The following WIPF2 variants were observed in gnomAD, a reference collection of about 807,000 sequenced individuals.
The protein encoded by WIPF2 is WAS/WASL interacting protein family member 2.
Under a neutral mutation model 38.8 loss-of-function variants are expected in WIPF2, and 23 were observed. The ratio of observed to expected loss-of-function variants is 0.59; its 90% confidence interval spans 0.43 to 0.84. WIPF2 has a LOEUF of 0.84. Among genes scored for constraint, WIPF2 ranks in the 40% least tolerant of loss-of-function variants. The pLI is 0.00. For missense variants in WIPF2, 574 were observed against 580.5 expected (o/e 0.99, Z 0.11); for synonymous variants, 210 against 223.2 (o/e 0.94, Z 0.53).
chr17:40,222,654 GTTTTTTTTTTTTTTTTTTT>G (rs58758484), intron 1 of WIPF2, among the ~76,000 whole-genome samples: 5 of 52,820 alleles, frequency 9.5e-5, no homozygotes, highest in Admixed American at 2.7e-4. Flanking sequence ...TGCATATTCA[GTTTTTTTTTTTTTTTTTTT>G]TTTTTTTTTT....
At position 40,260,623 on chromosome 17, in the gene WIPF2, A is replaced by G. The variant is rs751439083; in HGVS notation, c.152A>G (p.Lys51Arg). The change falls in exon 3 of 8, where the codon AAG becomes AGG. Residue 51 changes from lysine to arginine, a missense_variant. By Grantham distance (26) the Lys-to-Arg change is conservative. Transcript: ENST00000323571. ...LQDICKGTKL[K>R]KVTNINDRSA... ...GACATTTGCAAAGGGACCAAGCTGA[A>G]GAAGGTGACCAACATTAATGATCGG... 88 of 1,613,806 alleles carry G rather than the reference A, an allele frequency of 5.5e-5. No homozygotes were observed. In the South Asian group the frequency reaches 8.9e-4, roughly 16 times the overall value.
At chr17:40,271,433 G>A (rs2032245865) in intron 5 of WIPF2, among the ~76,000 whole-genome samples, 1 of 152,088 alleles carries the variant, frequency 6.6e-6, no homozygotes, top group Admixed American at 6.6e-5. Flanking sequence ...GAGCCCAGGA[G>A]TTTGAAGCTG....
At chr17:40,231,080 A>G (rs2030720738) in intron 1 of WIPF2, among the ~76,000 whole-genome samples, 1 of 152,206 alleles carries the variant, frequency 6.6e-6, no homozygotes, top group Non-Finnish European at 1.5e-5. Flanking sequence ...AACTTAAAGT[A>G]GACTCTTGAC....
chr17:40,264,863 A>T lies in WIPF2; in HGVS notation c.687A>T (p.Pro229=). The change falls in exon 5 of 8, where the codon CCA becomes CCT. Residue 229 remains proline (P), a synonymous_variant. Coordinates refer to ENST00000323571, the MANE Select transcript of WIPF2 (RefSeq NM_133264.5). ...PGREGPPAPP[P]VKPPPSPVNI... ...GAGAGGGACCTCCTGCTCCACCCCCAGTCAAACCACCTCCTTCCCCTGTGA... is the reference window on the plus strand; with the variant it reads ...GAGAGGGACCTCCTGCTCCACCCCCTGTCAAACCACCTCCTTCCCCTGTGA... The T allele has an allele frequency of 6.2e-7, 1 of 1,613,996 alleles. No homozygotes were observed. Among genetic ancestry groups the T allele is most frequent in the East Asian group, 2.2e-5 (1 of 44,858 alleles).
chr17:40,232,179 ATTTTTTTT>A (rs752876006), intron 1 of WIPF2, among the ~76,000 whole-genome samples: 51 of 76,054 alleles, frequency 6.7e-4, no homozygotes, highest in African/African-American at 3.2e-3. Context: ...TGCCTGGCTA[ATTTTTTTT>A]TTTTTTTTTT....
chr17:40,273,828 A>T lies in WIPF2; in HGVS notation c.1009A>T (p.Arg337Trp), dbSNP rs2032310794. The stretch of plus-strand genomic sequence containing the variant: ...ACCACCTGTGATCCGAAATGGTGCC[A>T]GGGATGCTCCCCCTCCCCCACCACC... ...PPPPVIRNGA[R>W]DAPPPPPPYR... The change falls in exon 6 of 8, where the codon AGG (arginine) becomes TGG (tryptophan). Residue 337 changes from arginine (R) to tryptophan (W), a missense_variant. Coordinates refer to ENST00000323571, the MANE Select transcript of WIPF2 (RefSeq NM_133264.5). 1 of 1,605,244 alleles carries T rather than the reference A, an allele frequency of 6.2e-7. No individual in the cohort carries two copies. Among genetic ancestry groups the T allele is most frequent in the Non-Finnish European group, 8.5e-7 (1 of 1,174,156 alleles).
chr17:40,219,391 GCGGCGGCGACGGCGA>G lies in WIPF2; in HGVS notation c.-170_-156del. 2.4e-6 allele frequency: 1 copy of G among 420,528 alleles called. No homozygotes were observed. The highest frequency in any genetic ancestry group is 4.5e-6 in the Non-Finnish European group (1 of 222,302). 26.0% of individuals were successfully genotyped at this position (420,528 alleles called of 1,614,324 possible). Reference sequence around the variant, plus strand: ...GGTGGCGGCGGCGGCGGCGGCGGCGGCGGCGGCGACGGCGAGAAAGAGCTTGCCGGGGGGCGAGCA... The same window carrying G: ...GGTGGCGGCGGCGGCGGCGGCGGCGGGAAAGAGCTTGCCGGGGGGCGAGCA... On this transcript the variant is annotated 5_prime_UTR_variant, in exon 1 of 8. Coordinates refer to ENST00000323571, the MANE Select transcript of WIPF2 (RefSeq NM_133264.5).
chr17:40,271,382 G>A (rs1303258940), intron 5 of WIPF2, among the ~76,000 whole-genome samples: 1 of 152,172 alleles, frequency 6.6e-6, no homozygotes, highest in Non-Finnish European at 1.5e-5. Context: ...TGTGGCACAT[G>A]CCTATAATCC....
At chr17:40,232,159 C>T (rs557375396) in intron 1 of WIPF2, among the ~76,000 whole-genome samples, 153 of 133,102 alleles carry the variant, frequency 1.1e-3, no homozygotes, top group African/African-American at 3.7e-3. Context: ...ATTGCAGGCA[C>T]ATGCCACCAT....
chr17:40,233,227 A>G (rs948696282), intron 1 of WIPF2, among the ~76,000 whole-genome samples: 1 of 152,074 alleles, frequency 6.6e-6, no homozygotes, highest in African/African-American at 2.4e-5. Flanking sequence ...ACCAGATCCA[A>G]CGTTGACCTT....
At chr17:40,250,261 G>A (rs1386793538) in intron 1 of WIPF2, among the ~76,000 whole-genome samples, 2 of 103,628 alleles carry the variant, frequency 1.9e-5, no homozygotes, top group Non-Finnish European at 3.5e-5. Flanking sequence ...ACAAAGTCTC[G>A]CTCTGTCAAC....
intron 1 of WIPF2, among the ~76,000 whole-genome samples, chr17:40,251,977 A>G (rs750911413): frequency 1.3e-5 from 2 of 152,092 alleles, no homozygotes; most frequent in South Asian, 2.1e-4. Flanking sequence ...TTAATTTTTT[A>G]AGGGGTCTTG....
At chr17:40,242,168 A>T (rs2031211779) in intron 1 of WIPF2, among the ~76,000 whole-genome samples, 1 of 152,166 alleles carries the variant, frequency 6.6e-6, no homozygotes, top group African/African-American at 2.4e-5. Flanking sequence ...GTTTGAGGTC[A>T]GGAGTTTGAG....
chr17:40,239,699 T>C (rs1567712907), intron 1 of WIPF2, among the ~76,000 whole-genome samples: 1 of 145,486 alleles, frequency 6.9e-6, no homozygotes, highest in African/African-American at 2.5e-5. Context: ...TTCTTTTTTT[T>C]TTTTTTTTTT....
chr17:40,242,544 C>T (rs369067683), intron 1 of WIPF2, among the ~76,000 whole-genome samples: 57 of 152,168 alleles, frequency 3.7e-4, no homozygotes, highest in African/African-American at 9.4e-4. Flanking sequence ...GGATTACAGG[C>T]GCCCGCCGCC....
chr17:40,253,367 T>TC (rs1218449338), intron 1 of WIPF2, among the ~76,000 whole-genome samples: 2 of 152,206 alleles, frequency 1.3e-5, no homozygotes, highest in Non-Finnish European at 2.9e-5. Flanking sequence ...CGGCCTATTT[T>TC]CCCCTTTGTT....
chr17:40,245,291 T>C (rs1210412428), intron 1 of WIPF2, among the ~76,000 whole-genome samples: 2 of 152,168 alleles, frequency 1.3e-5, no homozygotes, highest in Non-Finnish European at 1.5e-5. Flanking sequence ...CTTGCTCATC[T>C]TCTAGAACAG....
Position 40,275,329 on chromosome 17 carries a change from C to T in WIPF2, c.1180+1330C>T, listed in dbSNP as rs8077914. ...TAGCAGTGTTATTTTGAGGAAGTCA[C>T]GTTACTTCTCTGGGCCTCACTTCCC... On this transcript the variant is annotated intron_variant, in intron 6 of 7. Transcript: ENST00000323571. 8.7e-3 allele frequency among the ~76,000 whole-genome samples: 1,319 copies of T among 151,776 alleles called. 17 individuals are homozygous for T. Among genetic ancestry groups the T allele is most frequent in the African/African-American group, 0.03 (1,252 of 41,352 alleles).
chr17:40,249,065 T>G (rs1378395209), intron 1 of WIPF2, among the ~76,000 whole-genome samples: 1 of 152,174 alleles, frequency 6.6e-6, no homozygotes, highest in Non-Finnish European at 1.5e-5. Context: ...TAATTTACTT[T>G]GTAGTCAAAA....
Sources: allele counts gnomAD v4.1 joint callset (sites outside exome capture counted in the v4.1 genomes callset), GRCh38; gene constraint gnomAD v4.1.1; transcripts MANE v1.5; gene names NCBI Gene and HGNC (gene_info 2026-07-23, HGNC 2026-07-21).